Variants in GALNT14 observed in about 807,000 individuals in gnomAD.
GALNT14 encodes the protein polypeptide N-acetylgalactosaminyltransferase 14.
Under a neutral mutation model 77.5 loss-of-function variants are expected in GALNT14, and 60 were observed. The observed-to-expected ratio is 0.77, with a 90% CI of 0.63 to 0.96. The LOEUF (loss-of-function observed/expected upper bound fraction) is 0.96, where lower values mean the gene tolerates loss of function less well. GALNT14 is among the 40% of genes least tolerant of loss of function. The probability of loss-of-function intolerance (pLI) is 0.00; values close to 1 mark genes in which losing one functional copy is unlikely to be tolerated. For synonymous variants in GALNT14, 280 were observed against 281.7 expected (o/e 0.99, Z 0.06); for missense variants, 710 against 731.0 (o/e 0.97, Z 0.33).
chr2:31,117,497 T>C (rs1034723928), intron 1 of GALNT14, among the ~76,000 whole-genome samples: 1 of 152,156 alleles, frequency 6.6e-6, no homozygotes, highest in African/African-American at 2.4e-5. Context: ...GGAAGGTACA[T>C]AAATGCAAAA....
At chr2:31,131,174 C>T (rs925943232) in intron 1 of GALNT14, among the ~76,000 whole-genome samples, 5 of 152,102 alleles carry the variant, frequency 3.3e-5, no homozygotes, top group Non-Finnish European at 5.9e-5. Context: ...TCAGGAAACT[C>T]GGGGAGTAAA....
intron 13 of GALNT14, among the ~76,000 whole-genome samples, chr2:30,919,341 G>C (rs1664890961): frequency 6.6e-6 from 1 of 152,208 alleles, no homozygotes; most frequent in Admixed American, 6.5e-5. Flanking sequence ...AGCCAAGAGA[G>C]GAAGGGAAGG....
Position 30,910,572 on chromosome 2 carries a change from G to A in GALNT14, c.*329C>T. ...AGTGAAAAAGAAGGCTTTTCTTTCT[G>A]GCCTCCAGAGACTGCTTCCTTTGTA... On this transcript the variant is annotated 3_prime_UTR_variant, in exon 15 of 15. Coordinates refer to ENST00000349752, the MANE Select transcript of GALNT14 (RefSeq NM_024572.4). The A allele has an allele frequency of 4.4e-6, 1 of 227,320 alleles. No homozygotes were observed. The highest frequency in any genetic ancestry group is 1.2e-4 in the South Asian group (1 of 8,212). 14.1% of individuals were successfully genotyped at this position (227,320 alleles called of 1,614,324 possible). A position where few individuals can be genotyped will look rare whatever the true frequency, so the allele number is the denominator to read the frequency against.
Position 30,929,375 on chromosome 2 carries a change from C to T in GALNT14, c.1151+20G>A. 6.2e-7 allele frequency: 1 copy of T among 1,603,952 alleles called. No homozygotes were observed. The highest frequency in any genetic ancestry group is 8.5e-7 in the Non-Finnish European group (1 of 1,171,148). The stretch of plus-strand genomic sequence containing the variant: ...GCTCTTTTGCAGTCTCTGCCCTCCT[C>T]AACCTGAAGGGACACTTACTTCCCG... On this transcript the variant is annotated intron_variant, in intron 11 of 14. Transcript: ENST00000349752.
At chr2:31,050,910 T>C (rs1005061195) in intron 1 of GALNT14, among the ~76,000 whole-genome samples, 24 of 151,968 alleles carry the variant, frequency 1.6e-4, no homozygotes, top group Middle Eastern at 3.4e-3. Flanking sequence ...AGACAGCCTG[T>C]GAGTCACGGC....
At chr2:31,002,890 C>T (rs1431220892) in intron 1 of GALNT14, among the ~76,000 whole-genome samples, 2 of 152,120 alleles carry the variant, frequency 1.3e-5, no homozygotes, top group East Asian at 1.9e-4. Flanking sequence ...TTCCCCTCAC[C>T]GAGGGACCCC....
chr2:31,055,129 T>G (rs1170591663), intron 1 of GALNT14, among the ~76,000 whole-genome samples: 2 of 152,228 alleles, frequency 1.3e-5, no homozygotes, highest in African/African-American at 4.8e-5. Context: ...AAGAGCAATT[T>G]AAACGAAAGC....
chr2:30,974,772 T>A (rs1389651408), intron 2 of GALNT14, among the ~76,000 whole-genome samples: 1 of 152,230 alleles, frequency 6.6e-6, no homozygotes, highest in Non-Finnish European at 1.5e-5. Flanking sequence ...TACTTTTCTG[T>A]CTCCTCTACC....
At chr2:31,053,958 A>G (rs1674056508) in intron 1 of GALNT14, among the ~76,000 whole-genome samples, 1 of 152,194 alleles carries the variant, frequency 6.6e-6, no homozygotes, top group African/African-American at 2.4e-5. Context: ...AGAATCCCAC[A>G]ATAGTGTAGT....
At chr2:31,108,074 G>A (rs1573360196) in intron 1 of GALNT14, among the ~76,000 whole-genome samples, 1 of 152,196 alleles carries the variant, frequency 6.6e-6, no homozygotes, top group East Asian at 1.9e-4. Context: ...AAAAGTAGCA[G>A]TAAGAACACG....
In GALNT14 at chr2:31,022,543, C is replaced by T. The variant is rs2194458; in HGVS notation, c.130-29536G>A. Among the ~76,000 whole-genome samples the T allele has an allele frequency of 9.8e-4, 149 of 152,306 alleles. 3 individuals carry two copies. In the South Asian group the frequency reaches 0.02, roughly 21 times the overall value. Reference sequence around the variant, plus strand: ...CACAGGGCCTCCAGTTGCCATGTAACACTGCTACAAAACAACGTCTTCCCA... The same window carrying T: ...CACAGGGCCTCCAGTTGCCATGTAATACTGCTACAAAACAACGTCTTCCCA... On this transcript the variant is annotated intron_variant, in intron 1 of 14. Coordinates refer to ENST00000349752, the MANE Select transcript of GALNT14 (RefSeq NM_024572.4).
At chr2:30,971,773 AAT>A (rs1668371668) in intron 2 of GALNT14, among the ~76,000 whole-genome samples, 1 of 150,344 alleles carries the variant, frequency 6.7e-6, no homozygotes, top group African/African-American at 2.5e-5. Flanking sequence ...CCTGCACCTG[AAT>A]ATGTGACAAC....
chr2:31,072,677 A>G (rs550718112), intron 1 of GALNT14, among the ~76,000 whole-genome samples: 5 of 152,132 alleles, frequency 3.3e-5, no homozygotes, highest in Non-Finnish European at 7.4e-5. Flanking sequence ...CTCAGTGGAC[A>G]GGGACAAAGT....
At chr2:30,978,129 T>A (rs1215257032) in intron 2 of GALNT14, among the ~76,000 whole-genome samples, 1 of 152,236 alleles carries the variant, frequency 6.6e-6, no homozygotes, top group African/African-American at 2.4e-5. Flanking sequence ...TGCAGGAGCC[T>A]TCTGGCCCTG....
At chr2:31,038,089 T>A (rs1292669787) in intron 1 of GALNT14, among the ~76,000 whole-genome samples, 6,500 of 65,988 alleles carry the variant, frequency 0.099, 256 homozygotes, top group East Asian at 0.22. Flanking sequence ...TATATATTTT[T>A]TTTTTTTTTT....
intron 2 of GALNT14, among the ~76,000 whole-genome samples, chr2:30,968,613 T>A (rs1430652395): frequency 6.6e-6 from 1 of 152,192 alleles, no homozygotes; most frequent in African/African-American, 2.4e-5. Flanking sequence ...GAAGTGGGTC[T>A]GAAGCTCCAG....
At chr2:30,977,221 T>C (rs1225754402) in intron 2 of GALNT14, among the ~76,000 whole-genome samples, 2 of 152,162 alleles carry the variant, frequency 1.3e-5, no homozygotes, top group East Asian at 3.9e-4. Context: ...TCCAGAGTAG[T>C]TGGGACTACA....
chr2:31,101,607 CT>C (rs1342971382), intron 1 of GALNT14, among the ~76,000 whole-genome samples: 1 of 152,028 alleles, frequency 6.6e-6, no homozygotes, highest in Admixed American at 6.6e-5. Flanking sequence ...ACAAAGTAGT[CT>C]CCTGATTCCT....
intron 1 of GALNT14, among the ~76,000 whole-genome samples, chr2:31,009,679 T>C (rs1670898620): frequency 2.0e-5 from 3 of 152,234 alleles, no homozygotes; most frequent in Admixed American, 2.0e-4. Context: ...GATTTGCCCA[T>C]TGGAACTGGT....
Sources: gnomAD v4.1 joint callset for allele counts (sites outside exome capture counted in the v4.1 genomes callset) on GRCh38, gnomAD v4.1.1 for gene constraint, MANE v1.5 for transcripts, NCBI Gene and HGNC (gene_info 2026-07-23, HGNC 2026-07-21) for gene names.